Variants in TMEM243 observed in about 807,000 individuals in gnomAD.
TMEM243 encodes the protein transmembrane protein 243, also known as MDR1 and mitochondrial taxol resistance associated.
In TMEM243, 20 loss-of-function variants were observed where a neutral mutation model predicts 15.0. The observed-to-expected ratio is 1.33, with a 90% CI of 0.94 to 1.93. The LOEUF (loss-of-function observed/expected upper bound fraction) is 1.93. Ranked by LOEUF, TMEM243 falls within the 30% of genes most tolerant of loss-of-function variation. The pLI is 0.00. For missense variants in TMEM243, 156 were observed against 142.1 expected (o/e 1.10, Z -0.50); for synonymous variants, 72 against 52.7 (o/e 1.37, Z -1.59).
At chr7:87,196,837 T>C in intron 3 of TMEM243, 79 bp from the exon 4 acceptor site, 1 of 1,017,652 alleles carries the variant, frequency 9.8e-7, no homozygotes, top group Non-Finnish European at 1.4e-6. Context: ...TCATTAGTAT[T>C]TGTTTATTCC....
At chr7:87,209,948 CAG>C (rs1204579588) in intron 1 of TMEM243, among the ~76,000 whole-genome samples, 79 of 101,464 alleles carry the variant, frequency 7.8e-4, no homozygotes, top group Admixed American at 1.1e-3. Context: ...AGGAGGGGGA[CAG>C]AGAGACAGAG....
chr7:87,217,594 T>G (rs1214119958), intron 1 of TMEM243, among the ~76,000 whole-genome samples: 1 of 152,202 alleles, frequency 6.6e-6, no homozygotes, highest in Non-Finnish European at 1.5e-5. Context: ...TCTGTAGAAT[T>G]TATCTATGTC....
chr7:87,215,342 G>A (rs1182623793), intron 1 of TMEM243, among the ~76,000 whole-genome samples: 1 of 152,080 alleles, frequency 6.6e-6, no homozygotes, highest in African/African-American at 2.4e-5. Flanking sequence ...GGGCTCAAGT[G>A]ATTCTCCCAC....
At chr7:87,203,015 AG>A (rs995098680) in intron 1 of TMEM243, 2 of 152,276 alleles carry the variant, frequency 1.3e-5, no homozygotes, top group African/African-American at 4.8e-5. Flanking sequence ...TCAAATGATC[AG>A]GTGGTAACAA....
intron 1 of TMEM243, among the ~76,000 whole-genome samples, chr7:87,216,067 G>A (rs950963069): frequency 6.6e-6 from 1 of 151,964 alleles, no homozygotes; most frequent in African/African-American, 2.4e-5. Context: ...TCAGGAGATC[G>A]AGACCATCCT....
chr7:87,198,807 A>T, intron 2 of TMEM243, 200 bp downstream of exon 2: 1 of 488,662 alleles, frequency 2.0e-6, no homozygotes, highest in Non-Finnish European at 3.6e-6. Context: ...CTTAAAACGA[A>T]GTTGTCTGAC....
intron 1 of TMEM243, chr7:87,216,735 C>T (rs142773432): frequency 6.6e-6 from 1 of 152,344 alleles, no homozygotes; most frequent in African/African-American, 2.4e-5. Flanking sequence ...TTATCCCTCA[C>T]TCACCTCACG....
intron 2 of TMEM243, chr7:87,198,249 TATGAA>T (rs1801513662): frequency 4.3e-6 from 2 of 470,186 alleles, no homozygotes; most frequent in Admixed American, 3.9e-5. Flanking sequence ...TTCCCTTACT[TATGAA>T]AGGAGAGAAA....
intron 1 of TMEM243, chr7:87,218,822 G>C (rs1399121161): frequency 1.3e-5 from 2 of 152,346 alleles, no homozygotes; most frequent in African/African-American, 4.8e-5. Context: ...GTTGGCCCAA[G>C]ACATCACATA....
intron 1 of TMEM243, among the ~76,000 whole-genome samples, chr7:87,205,042 G>C (rs1802104076): frequency 6.6e-6 from 1 of 152,222 alleles, no homozygotes; most frequent in Non-Finnish European, 1.5e-5. Flanking sequence ...GCACCACATA[G>C]AAGTTGCCAT....
At chr7:87,206,220 TA>T (rs67838294) in intron 1 of TMEM243, among the ~76,000 whole-genome samples, 3,018 of 152,254 alleles carry the variant, frequency 0.02, 103 homozygotes, top group African/African-American at 0.067. Flanking sequence ...TTATGGGAGC[TA>T]AAATTCAAGA....
At chr7:87,203,250 A>G (rs1801949439) in intron 1 of TMEM243, among the ~76,000 whole-genome samples, 1 of 152,156 alleles carries the variant, frequency 6.6e-6, no homozygotes, top group South Asian at 2.1e-4. Flanking sequence ...CTAACCAACA[A>G]TAAAAAGACC....
intron 1 of TMEM243, among the ~76,000 whole-genome samples, chr7:87,204,973 A>G (rs966845207): frequency 6.6e-6 from 1 of 152,214 alleles, no homozygotes; most frequent in Non-Finnish European, 1.5e-5. Flanking sequence ...TATGTCCTCT[A>G]AAATCTAGGC....
At chr7:87,204,576 T>G (rs887074494) in intron 1 of TMEM243, among the ~76,000 whole-genome samples, 1 of 152,212 alleles carries the variant, frequency 6.6e-6, no homozygotes. Context: ...ACAGGCCCCA[T>G]GCAAATCCAA....
At chr7:87,197,259 A>G (rs73208516) in intron 3 of TMEM243, among the ~76,000 whole-genome samples, 5,601 of 152,198 alleles carry the variant, frequency 0.037, 125 homozygotes, top group East Asian at 0.065. Context: ...GGATCAGTGA[A>G]TGAGAACACT....
At chr7:87,197,672 C>T (rs1801412833) in intron 3 of TMEM243, 2 of 1,291,804 alleles carry the variant, frequency 1.5e-6, no homozygotes, top group South Asian at 1.8e-5. Context: ...CTTTGGCCAC[C>T]TACGTCTTTC....
chr7:87,216,522 T>A (rs369772781), intron 1 of TMEM243, among the ~76,000 whole-genome samples: 1 of 152,136 alleles, frequency 6.6e-6, no homozygotes. Flanking sequence ...CATGACTATG[T>A]CTGTAAAGCT....
intron 1 of TMEM243, among the ~76,000 whole-genome samples, chr7:87,209,725 A>AGCGAGACACAGTGAGG: frequency 6.7e-6 from 1 of 149,672 alleles, no homozygotes. Context: ...ACACAGTGAG[A>AGCGAGACACAGTGAGG]GCGAGACACA....
chr7:87,217,983 G>T (rs1173786986), intron 1 of TMEM243, among the ~76,000 whole-genome samples: 1 of 152,238 alleles, frequency 6.6e-6, no homozygotes, highest in Non-Finnish European at 1.5e-5. Context: ...CAAAGGTCTG[G>T]ATCACCCAGA....
Sources: gnomAD v4.1 joint callset for allele counts (sites outside exome capture counted in the v4.1 genomes callset) on GRCh38, gnomAD v4.1.1 for gene constraint, MANE v1.5 for transcripts, NCBI Gene and HGNC (gene_info 2026-07-23, HGNC 2026-07-21) for gene names.